Variants in PIK3R4 observed in about 807,000 individuals in gnomAD.
PIK3R4 encodes phosphoinositide 3-kinase regulatory subunit 4.
In PIK3R4, 46 loss-of-function variants were observed where a neutral mutation model predicts 136.5. The observed-to-expected ratio is 0.34, with a 90% CI of 0.27 to 0.43. The LOEUF (loss-of-function observed/expected upper bound fraction) is 0.43. Ranked by LOEUF, PIK3R4 falls within the 20% of genes least tolerant of loss-of-function variation. PIK3R4 has a pLI of 1.00. For missense variants in PIK3R4, 1,331 were observed against 1,649.5 expected (o/e 0.81, Z 3.35); for synonymous variants, 557 against 566.7 (o/e 0.98, Z 0.24).
At chr3:130,695,344 T>C (rs1031231409) in intron 13 of PIK3R4, among the ~76,000 whole-genome samples, 10 of 152,170 alleles carry the variant, frequency 6.6e-5, no homozygotes, top group Non-Finnish European at 1.3e-4. Context: ...GGATGTTACA[T>C]TAGTCTCTTC....
At chr3:130,702,536 G>A (rs539462851) in intron 13 of PIK3R4, among the ~76,000 whole-genome samples, 18 of 152,212 alleles carry the variant, frequency 1.2e-4, no homozygotes, top group African/African-American at 4.3e-4. Context: ...GGCTAATTAT[G>A]GTCAATGAAC....
chr3:130,730,256 AT>A, intron 5 of PIK3R4, 51 bp downstream of exon 5: 3 of 1,422,298 alleles, frequency 2.1e-6, no homozygotes, highest in Non-Finnish European at 2.9e-6. Context: ...ACAAGTTAGC[AT>A]CAGCAATTCA....
At chr3:130,723,386 A>G in intron 7 of PIK3R4, 28 bp downstream of exon 7, 1 of 1,571,250 alleles carries the variant, frequency 6.4e-7, no homozygotes, top group Non-Finnish European at 8.6e-7. Context: ...TTCCAATCTC[A>G]TTCTAATTTT....
chr3:130,728,719 G>GAAAC, intron 5 of PIK3R4, 35 bp from the exon 6 acceptor site: 1 of 1,362,650 alleles, frequency 7.3e-7, no homozygotes, highest in Non-Finnish European at 1.0e-6. Context: ...AAGAAAGAAA[G>GAAAC]AAAAGAAATA....
intron 9 of PIK3R4, among the ~76,000 whole-genome samples, chr3:130,711,828 G>A (rs1442023396): frequency 1.3e-5 from 2 of 152,106 alleles, no homozygotes; most frequent in Non-Finnish European, 2.9e-5. Flanking sequence ...GAAACTCCCT[G>A]GCCGGAGGGC....
rs1271473094 is a variant in PIK3R4, at chr3:130,705,573, G to C, written c.2920C>G (p.Pro974Ala). 30 of 1,610,094 alleles carry C rather than the reference G, an allele frequency of 1.9e-5. No homozygotes were observed. Among genetic ancestry groups the C allele is most frequent in the Non-Finnish European group, 2.5e-5 (29 of 1,176,542 alleles). ...MMENAEWESK[P>A]PPPGWRPKGL... is the part of the protein sequence containing the mutation. Reference sequence around the variant, plus strand: ...ACGGAACTTTTACCAGGTGGTGGTGGTTTACTCTCCCATTCAGCATTTTCC... The same window carrying C: ...ACGGAACTTTTACCAGGTGGTGGTGCTTTACTCTCCCATTCAGCATTTTCC... The change falls in exon 12 of 20, where the codon CCA becomes GCA. Residue 974 changes from proline to alanine, a missense_variant. By Grantham distance (27) the Pro-to-Ala change is conservative. This residue lies in a region of PIK3R4 where 1,180 missense variants were observed against 1,407.0 expected (regional missense o/e 0.84). Coordinates refer to ENST00000356763, the MANE Select transcript of PIK3R4 (RefSeq NM_014602.3).
chr3:130,745,585 C>A (rs557114571), intron 1 of PIK3R4, among the ~76,000 whole-genome samples: 1 of 152,284 alleles, frequency 6.6e-6, no homozygotes, highest in Admixed American at 6.5e-5. Flanking sequence ...GTGTTATTTT[C>A]TCATATTTAA....
intron 9 of PIK3R4, among the ~76,000 whole-genome samples, chr3:130,709,935 T>C (rs180807099): frequency 3.3e-5 from 5 of 152,264 alleles, no homozygotes; most frequent in Admixed American, 2.6e-4. Flanking sequence ...GTTCTGGAAT[T>C]TAACAGTGGT....
At chr3:130,727,368 C>T (rs1293857458) in intron 6 of PIK3R4, among the ~76,000 whole-genome samples, 1 of 152,270 alleles carries the variant, frequency 6.6e-6, no homozygotes, top group South Asian at 2.1e-4. Context: ...CGAGTACAGG[C>T]ACCCGCCACC....
intron 13 of PIK3R4, among the ~76,000 whole-genome samples, chr3:130,698,905 G>A (rs1446902129): frequency 1.3e-5 from 2 of 152,192 alleles, no homozygotes; most frequent in South Asian, 2.1e-4. Flanking sequence ...CTAATAACTG[G>A]CAGGTATTTC....
intron 4 of PIK3R4, among the ~76,000 whole-genome samples, chr3:130,732,447 T>C (rs1171701688): frequency 6.6e-6 from 1 of 152,200 alleles, no homozygotes; most frequent in African/African-American, 2.4e-5. Context: ...ACTGATAAAC[T>C]TTCATTTGAT....
chr3:130,743,478 T>C (rs1158097014), intron 2 of PIK3R4, among the ~76,000 whole-genome samples: 1 of 152,156 alleles, frequency 6.6e-6, no homozygotes, highest in East Asian at 1.9e-4. Flanking sequence ...CATCTTCTCC[T>C]GCATACTTGG....
chr3:130,699,198 A>G lies in PIK3R4; in HGVS notation c.3098+4525T>C, dbSNP rs929925119. 5.9e-5 allele frequency among the ~76,000 whole-genome samples: 9 copies of G among 152,324 alleles called. No individual in the cohort carries two copies. The South Asian group carries it at 1.2e-3, about 21-fold the overall frequency. On this transcript the variant is annotated intron_variant, in intron 13 of 19. Coordinates refer to ENST00000356763, the MANE Select transcript of PIK3R4 (RefSeq NM_014602.3). ...AGTTCTTCCTTTTAAGCTTTCTGTCAGCCTGCTGATGCCACCTCAAGATGA... is the reference window on the plus strand; with the variant it reads ...AGTTCTTCCTTTTAAGCTTTCTGTCGGCCTGCTGATGCCACCTCAAGATGA...
intron 7 of PIK3R4, among the ~76,000 whole-genome samples, chr3:130,720,699 T>C (rs2066694734): frequency 1.3e-5 from 2 of 152,122 alleles, no homozygotes; most frequent in Non-Finnish European, 2.9e-5. Context: ...CAACTATCAA[T>C]GCATGAAAAC....
chr3:130,710,485 A>G (rs1395846784), intron 9 of PIK3R4, among the ~76,000 whole-genome samples: 1 of 152,144 alleles, frequency 6.6e-6, no homozygotes. Context: ...TGAATGGTAT[A>G]ATGTCGAGAG....
At chr3:130,727,218 T>TA (rs2066736703) in intron 6 of PIK3R4, among the ~76,000 whole-genome samples, 1 of 151,856 alleles carries the variant, frequency 6.6e-6, no homozygotes, top group Non-Finnish European at 1.5e-5. Flanking sequence ...AACCAAAACT[T>TA]AAAGTCTTTT....
chr3:130,708,119 G>A (rs906301316), intron 10 of PIK3R4, among the ~76,000 whole-genome samples, 172 bp downstream of exon 10: 4 of 152,100 alleles, frequency 2.6e-5, no homozygotes, highest in Admixed American at 1.3e-4. Context: ...CTGTTAGTTC[G>A]CTTCCCTATT....
At chr3:130,711,230 C>T (rs910617716) in intron 9 of PIK3R4, among the ~76,000 whole-genome samples, 11 of 151,972 alleles carry the variant, frequency 7.2e-5, no homozygotes, top group African/African-American at 7.3e-5. Flanking sequence ...CACACACGCA[C>T]GCACACACAC....
In PIK3R4 at chr3:130,745,114, A is replaced by T. The variant is rs751642248; in HGVS notation, c.105T>A (p.Thr35=). Residue 35 remains threonine, a synonymous_variant, in exon 2 of 20, where the codon ACT becomes ACA. Transcript: ENST00000356763. ...TGGCTCGAGCAACTTTAAAAAACCGAGTACTCCCCAGGCTTTTATCATATT... is the reference window on the plus strand; with the variant it reads ...TGGCTCGAGCAACTTTAAAAAACCGTGTACTCCCCAGGCTTTTATCATATT... ...DFEYDKSLGS[T]RFFKVARAKH... 6.2e-7 allele frequency: 1 copy of T among 1,613,764 alleles called. No homozygotes were observed. The highest frequency in any genetic ancestry group is 8.5e-7 in the Non-Finnish European group (1 of 1,179,998).
Sources: gnomAD v4.1 joint callset for allele counts (sites outside exome capture counted in the v4.1 genomes callset) on GRCh38, gnomAD v4.1.1 for gene constraint, gnomAD v4.1.1 regional missense constraint, MANE v1.5 for transcripts, NCBI Gene and HGNC (gene_info 2026-07-23, HGNC 2026-07-21) for gene names.